PCDHA4: variants seen among roughly 807,000 people sequenced by gnomAD.
PCDHA4 encodes the protein protocadherin alpha-4.
A neutral mutation model predicts 61.4 loss-of-function variants in PCDHA4; 49 were observed. The ratio of observed to expected loss-of-function variants is 0.80; its 90% CI spans 0.63 to 1.01. The LOEUF is 1.01. PCDHA4 is among the 50% of genes least tolerant of loss of function. The pLI is 0.00. For synonymous variants in PCDHA4, 590 were observed against 550.3 expected (o/e 1.07, Z -1.01); for missense variants, 1,254 against 1,235.8 (o/e 1.01, Z -0.22).
chr5:140,851,230 A>G (rs1327220273), intron 1 of PCDHA4: 1 of 1,136,468 alleles, frequency 8.8e-7, no homozygotes, highest in Non-Finnish European at 1.1e-6. Flanking sequence ...ACTATCATTT[A>G]TTTATTGCTA....
chr5:140,830,001 T>C, intron 1 of PCDHA4: 1 of 1,613,958 alleles, frequency 6.2e-7, no homozygotes, highest in South Asian at 1.1e-5. Flanking sequence ...ACTCGTGTCC[T>C]GGACGAAGCG....
Position 140,906,732 on chromosome 5 carries a change from T to G in PCDHA4, c.2386-72217T>G, listed in dbSNP as rs535007647. On this transcript the variant is annotated intron_variant, in intron 1 of 3. Coordinates refer to ENST00000530339, the MANE Select transcript of PCDHA4 (RefSeq NM_018907.4). ...CTGCCTGGATTGTGCTGTTGTAGTT[T>G]CCCATTGACACAGGGCATGGTAATA... Among the ~76,000 whole-genome samples, 14 of 152,296 alleles carry G rather than the reference T, an allele frequency of 9.2e-5. No individual in the cohort carries two copies. The South Asian group carries it at 2.7e-3, about 29-fold the overall frequency.
chr5:140,917,449 C>T (rs1290889939), intron 1 of PCDHA4, among the ~76,000 whole-genome samples: 2 of 152,006 alleles, frequency 1.3e-5, no homozygotes, highest in Admixed American at 6.6e-5. Context: ...GCTGCAAGAG[C>T]GTTTGGCATC....
rs1212055845 is a variant in PCDHA4 at position 140,857,419 on chromosome 5, C to T, written c.2385+47847C>T. On this transcript the variant is annotated intron_variant, in intron 1 of 3. Coordinates refer to ENST00000530339, the MANE Select transcript of PCDHA4 (RefSeq NM_018907.4). ...ACAACGCGCCTGCGTTCGCGCAGTC[C>T]GAGTACACGGTGTTCGTGAAGGAGA... The T allele has an allele frequency of 3.1e-6, 5 of 1,598,216 alleles. 1 individual carries two copies. The African/African-American group carries it at 6.7e-5, about 22-fold the overall frequency.
At chr5:140,913,797 A>T (rs546197577) in intron 1 of PCDHA4, among the ~76,000 whole-genome samples, 1 of 152,210 alleles carries the variant, frequency 6.6e-6, no homozygotes, top group Admixed American at 6.5e-5. Context: ...ATTTGTTTGA[A>T]TCAAATTTTC....
At chr5:140,987,431 C>G (rs187493051) in intron 3 of PCDHA4, among the ~76,000 whole-genome samples, 1 of 152,232 alleles carries the variant, frequency 6.6e-6, no homozygotes, top group East Asian at 1.9e-4. Context: ...AGCAGGGGGC[C>G]TTTCCCCATG....
chr5:140,816,605 A>T (rs1765956061), intron 1 of PCDHA4: 1 of 151,984 alleles, frequency 6.6e-6, no homozygotes, highest in African/African-American at 2.4e-5. Context: ...TGATATCTAT[A>T]CATTTCAAAA....
chr5:140,855,992 T>A lies in PCDHA4; in HGVS notation c.2385+46420T>A, dbSNP rs2043714140. On this transcript the variant is annotated intron_variant, in intron 1 of 3. Transcript: ENST00000530339. ...AAGAAATAGGACAGAAAATGTCAGA[T>A]CGTATGTGCGTTCTAGACCGCTGAT... 1.6e-5 allele frequency: 24 copies of A among 1,492,840 alleles called. 4 individuals carry two copies. The highest frequency in any genetic ancestry group is 1.2e-4 in the South Asian group (9 of 76,326). 92.5% of individuals were successfully genotyped at this position (1,492,840 alleles called of 1,614,324 possible).
chr5:140,937,492 C>T (rs1390017602), intron 1 of PCDHA4, among the ~76,000 whole-genome samples: 1 of 152,054 alleles, frequency 6.6e-6, no homozygotes, highest in African/African-American at 2.4e-5. Context: ...TGGCACATAC[C>T]CGTAATCCCA....
chr5:140,942,608 T>G (rs1221656316), intron 1 of PCDHA4, among the ~76,000 whole-genome samples: 3 of 114,466 alleles, frequency 2.6e-5, no homozygotes, highest in Non-Finnish European at 5.4e-5. Context: ...AGTGTTTATA[T>G]TTGCCAATTG....
At chr5:140,835,925 C>A (rs1375358248) in intron 1 of PCDHA4, 3 of 1,612,234 alleles carry the variant, frequency 1.9e-6, no homozygotes, top group Non-Finnish European at 2.5e-6. Flanking sequence ...ACGCGGAGAG[C>A]GGCAAGGTGT....
intron 1 of PCDHA4, chr5:140,862,603 G>A (rs2047445390): frequency 3.9e-6 from 2 of 515,596 alleles, no homozygotes; most frequent in Non-Finnish European, 7.9e-6. Context: ...CATGGTGTTC[G>A]TGAAAGGTAA....
chr5:140,971,487 C>G (rs1285006281), intron 1 of PCDHA4, among the ~76,000 whole-genome samples: 1 of 152,110 alleles, frequency 6.6e-6, no homozygotes, highest in African/African-American at 2.4e-5. Flanking sequence ...CACATTGTTA[C>G]AGTGTGGCAA....
intron 1 of PCDHA4, among the ~76,000 whole-genome samples, chr5:140,917,650 T>G (rs897307157): frequency 1.5e-4 from 23 of 152,226 alleles, no homozygotes; most frequent in African/African-American, 5.5e-4. Context: ...CCAGCAATAT[T>G]GAGTAGGAAG....
At chr5:140,830,062 G>A (rs1770788840) in intron 1 of PCDHA4, 3 of 1,613,698 alleles carry the variant, frequency 1.9e-6, no homozygotes, top group Non-Finnish European at 1.7e-6. Flanking sequence ...ACGGTGAGCC[G>A]GCGCTGACAG....
At chr5:140,925,812 A>G (rs2082739434) in intron 1 of PCDHA4, among the ~76,000 whole-genome samples, 1 of 151,890 alleles carries the variant, frequency 6.6e-6, no homozygotes. Flanking sequence ...TCCACTTCTC[A>G]CGTCTTCTTT....
intron 1 of PCDHA4, chr5:140,883,703 G>C: frequency 6.2e-7 from 1 of 1,613,802 alleles, no homozygotes; most frequent in Non-Finnish European, 8.5e-7. Context: ...CACGGTGTCT[G>C]CTCAGGACGC....
Position 140,842,831 on chromosome 5 carries a change from C to T in PCDHA4, c.2385+33259C>T, listed in dbSNP as rs2150345753. On this transcript the variant is annotated intron_variant, in intron 1 of 3. Transcript: ENST00000530339. ...GGAGCGGCGGGTGGGCGAGCGCTCG[C>T]TGTCGAGCTACATTTCGGTGCACAC... The T allele has an allele frequency of 5.5e-5, 88 of 1,593,856 alleles. 9 individuals are homozygous for T. The highest frequency in any genetic ancestry group is 1.7e-4 in the Admixed American group (10 of 59,288).
rs190398483 is a variant in PCDHA4 at position 140,849,974 on chromosome 5, G to T, written c.2385+40402G>T. The T allele has an allele frequency of 6.3e-6, 10 of 1,597,556 alleles. 1 individual carries two copies. Among genetic ancestry groups the T allele is most frequent in the Admixed American group, 5.1e-5 (3 of 59,294 alleles). On this transcript the variant is annotated intron_variant, in intron 1 of 3. Coordinates refer to ENST00000530339, the MANE Select transcript of PCDHA4 (RefSeq NM_018907.4). ...AGGAGAACGCCCTGGTGTCCTACTC[G>T]CTGGTGGAGCGGCGGTTGGGCGAGC...
Sources: allele counts gnomAD v4.1 joint callset (sites outside exome capture counted in the v4.1 genomes callset), GRCh38; gene constraint gnomAD v4.1.1; transcripts MANE v1.5; gene names NCBI Gene and HGNC (gene_info 2026-07-23, HGNC 2026-07-21).